PIAS2: variants seen among roughly 807,000 people sequenced by gnomAD.
PIAS2 encodes the protein E3 SUMO-protein ligase PIAS2.
A neutral mutation model predicts 69.7 loss-of-function variants in PIAS2; 19 were observed. The observed-to-expected ratio is 0.27, with a 90% CI of 0.19 to 0.40. The LOEUF is 0.40. PIAS2 is among the 10% of genes least tolerant of loss of function. The probability of loss-of-function intolerance (pLI) is 1.00; values close to 1 mark genes in which losing one functional copy is unlikely to be tolerated. For missense variants in PIAS2, 624 were observed against 757.0 expected (o/e 0.82, Z 2.06); for synonymous variants, 261 against 263.2 (o/e 0.99, Z 0.08).
chr18:46,855,885 A>G (rs2047670062), intron 3 of PIAS2, among the ~76,000 whole-genome samples: 1 of 152,130 alleles, frequency 6.6e-6, no homozygotes, highest in African/African-American at 2.4e-5. Flanking sequence ...TTCAATAGAC[A>G]TCAAACTTGG....
chr18:46,817,980 T>C, intron 12 of PIAS2: 3 of 985,872 alleles, frequency 3.0e-6, no homozygotes, highest in Non-Finnish European at 2.4e-6. Context: ...CTGCAGCGTG[T>C]CATACTGATA....
chr18:46,829,920 T>G, intron 9 of PIAS2, 53 bp from the exon 10 acceptor site: 1 of 1,531,000 alleles, frequency 6.5e-7, no homozygotes, highest in Non-Finnish European at 8.9e-7. Context: ...TGCCTAAAGG[T>G]GAAATAAGAA....
chr18:46,904,706 G>A (rs894619635), intron 1 of PIAS2, among the ~76,000 whole-genome samples: 10 of 150,264 alleles, frequency 6.7e-5, no homozygotes, highest in African/African-American at 2.0e-4. Context: ...AGCCGAGATC[G>A]CGCCACTGCC....
rs943353979 is a variant in PIAS2 at position 46,806,628 on chromosome 18, T to G, written c.*5805A>C. 2 of 152,144 alleles carry G rather than the reference T, an allele frequency of 1.3e-5. No individual in the cohort carries two copies. Among genetic ancestry groups the G allele is most frequent in the Non-Finnish European group, 2.9e-5 (2 of 68,052 alleles). 9.4% of individuals were successfully genotyped at this position (152,144 alleles called of 1,614,324 possible). A position where few individuals can be genotyped will look rare whatever the true frequency, so the allele number is the denominator to read the frequency against. ...GCCTTGGCTTCCCAAAGTGCTGGGA[T>G]TACAGGCATGAGCCACCATGCCCAG... On this transcript the variant is annotated 3_prime_UTR_variant, in exon 14 of 14. Coordinates refer to ENST00000585916, the MANE Select transcript of PIAS2 (RefSeq NM_004671.5).
chr18:46,848,711 CAA>C (rs1047356366), intron 5 of PIAS2, among the ~76,000 whole-genome samples: 17 of 150,992 alleles, frequency 1.1e-4, no homozygotes, highest in African/African-American at 3.9e-4. Context: ...GAATAAAAGA[CAA>C]AGAGAAGAAC....
chr18:46,872,530 A>T (rs182574994), intron 2 of PIAS2, among the ~76,000 whole-genome samples: 85 of 152,336 alleles, frequency 5.6e-4, no homozygotes, highest in African/African-American at 1.7e-3. Flanking sequence ...ACCTGCTTAT[A>T]TCTGGTGAAG....
intron 3 of PIAS2, among the ~76,000 whole-genome samples, chr18:46,856,162 C>T (rs1386518561): frequency 9.2e-5 from 14 of 151,824 alleles, no homozygotes; most frequent in East Asian, 3.9e-4. Flanking sequence ...CCCGCCACCA[C>T]GCCCGGCTAA....
intron 1 of PIAS2, chr18:46,901,203 C>T (rs370678170): frequency 5.5e-5 from 19 of 348,596 alleles, no homozygotes; most frequent in African/African-American, 2.8e-4. Flanking sequence ...GGATCACCTG[C>T]GGTCAGGAGT....
chr18:46,911,238 C>T (rs1231195902), intron 1 of PIAS2, among the ~76,000 whole-genome samples: 9 of 146,746 alleles, frequency 6.1e-5, no homozygotes, highest in South Asian at 2.1e-4. Context: ...TTTCCTGAGA[C>T]GAAGCCTTGC....
chr18:46,868,276 T>C lies in PIAS2; in HGVS notation c.500-4028A>G, dbSNP rs564948564. ...TCTTAAGCTCAACTTCCTTGTCCCTTCTCCTAAGCTATCTGCTCTGTAAAC... is the reference window on the plus strand; with the variant it reads ...TCTTAAGCTCAACTTCCTTGTCCCTCCTCCTAAGCTATCTGCTCTGTAAAC... On this transcript the variant is annotated intron_variant, in intron 2 of 13. Coordinates refer to ENST00000585916, the MANE Select transcript of PIAS2 (RefSeq NM_004671.5). 3.9e-5 allele frequency among the ~76,000 whole-genome samples: 6 copies of C among 152,280 alleles called. No homozygotes were observed. In the East Asian group the frequency reaches 1.2e-3, roughly 29 times the overall value.
At chr18:46,862,698 T>C (rs972915200) in intron 3 of PIAS2, among the ~76,000 whole-genome samples, 7 of 152,048 alleles carry the variant, frequency 4.6e-5, no homozygotes, top group Non-Finnish European at 8.8e-5. Context: ...CACATATATA[T>C]ACACATATAT....
chr18:46,920,023 G>A, upstream of PIAS2: 1 of 1,278,740 alleles, frequency 7.8e-7, no homozygotes, highest in Non-Finnish European at 1.0e-6. Context: ...ACACAAAACA[G>A]TAAGAAAAGA....
rs2040828779 is a variant in PIAS2 at position 46,808,727 on chromosome 18, G to A, written c.*3706C>T. The stretch of plus-strand genomic sequence containing the variant: ...CAAAGAGCTAGAAAATAATGGTAGT[G>A]TCATTATGACATTCCATGAAAATGA... On this transcript the variant is annotated 3_prime_UTR_variant, in exon 14 of 14. Coordinates refer to ENST00000585916, the MANE Select transcript of PIAS2 (RefSeq NM_004671.5). 1 of 151,056 alleles carries A rather than the reference G, an allele frequency of 6.6e-6. No homozygotes were observed. Among genetic ancestry groups the A allele is most frequent in the African/African-American group, 2.4e-5 (1 of 41,042 alleles). 9.4% of individuals were successfully genotyped at this position (151,056 alleles called of 1,614,324 possible).
upstream of PIAS2, among the ~76,000 whole-genome samples, chr18:46,918,358 T>G (rs1013530963): frequency 1.3e-5 from 2 of 152,140 alleles, no homozygotes; most frequent in African/African-American, 2.4e-5. Flanking sequence ...AAGGCCCTGT[T>G]TAATCAGCCT....
chr18:46,918,234 A>C (rs2058230594), upstream of PIAS2, among the ~76,000 whole-genome samples: 1 of 152,202 alleles, frequency 6.6e-6, no homozygotes, highest in Non-Finnish European at 1.5e-5. Flanking sequence ...AGGATGAAGG[A>C]AGATGCTGAG....
intron 13 of PIAS2, 139 bp downstream of exon 13, chr18:46,815,173 A>G: frequency 1.6e-6 from 1 of 636,560 alleles, no homozygotes; most frequent in Non-Finnish European, 2.7e-6. Context: ...ATTGTGAAAT[A>G]TTTGCACAGT....
In PIAS2 at chr18:46,849,306, A is replaced by G. The variant is rs371247977; in HGVS notation, c.727-2465T>C. Among the ~76,000 whole-genome samples, 99 of 152,306 alleles carry G rather than the reference A, an allele frequency of 6.5e-4. 1 individual carries two copies. Among genetic ancestry groups the G allele is most frequent in the African/African-American group, 2.4e-3 (98 of 41,570 alleles). ...TTTACTGGTAATTCTGAGTTATCTG[A>G]TAACTTGTATTCTACCTGTAACCAT... On this transcript the variant is annotated intron_variant, in intron 5 of 13. Coordinates refer to ENST00000585916, the MANE Select transcript of PIAS2 (RefSeq NM_004671.5).
rs1397426532 is a variant in PIAS2 at position 46,901,292 on chromosome 18, C to T, written c.25-10238G>A. 8.1e-6 allele frequency: 3 copies of T among 370,592 alleles called. No individual in the cohort carries two copies. The East Asian group carries it at 3.1e-4, about 39-fold the overall frequency. 23.0% of individuals were successfully genotyped at this position (370,592 alleles called of 1,614,324 possible). A position where few individuals can be genotyped will look rare whatever the true frequency, so the allele number is the denominator to read the frequency against. On this transcript the variant is annotated intron_variant, in intron 1 of 13. Coordinates refer to ENST00000585916, the MANE Select transcript of PIAS2 (RefSeq NM_004671.5). ...TTAGCCATGGCACATGCCTGTACTC[C>T]CAGCTACTCAGGAGGCTGAGGCAGG...
At chr18:46,883,943 G>A (rs1028431736) in intron 2 of PIAS2, among the ~76,000 whole-genome samples, 2 of 152,200 alleles carry the variant, frequency 1.3e-5, no homozygotes, top group Non-Finnish European at 2.9e-5. Context: ...GAGAGGTAGA[G>A]GGTGCAGTGA....
Sources: allele counts gnomAD v4.1 joint callset (sites outside exome capture counted in the v4.1 genomes callset), GRCh38; gene constraint gnomAD v4.1.1; transcripts MANE v1.5; gene names NCBI Gene and HGNC (gene_info 2026-07-23, HGNC 2026-07-21).